The following MGAT4C variants were observed in gnomAD, a reference collection of about 807,000 sequenced individuals.
The protein encoded by MGAT4C is alpha-1,3-mannosyl-glycoprotein 4-beta-N-acetylglucosaminyltransferase C.
In MGAT4C, 19 loss-of-function variants were observed where a neutral mutation model predicts 40.1. The ratio of observed to expected loss-of-function variants is 0.47; its 90% confidence interval spans 0.33 to 0.70. MGAT4C has a LOEUF of 0.70. Among genes scored for constraint, MGAT4C ranks in the 30% least tolerant of loss-of-function variants. The probability of loss-of-function intolerance (pLI) is 0.02; values close to 1 mark genes in which losing one functional copy is unlikely to be tolerated. For missense variants in MGAT4C, 491 were observed against 563.2 expected, an observed-to-expected ratio of 0.87 and a Z score of 1.30; for synonymous variants, 181 against 187.1, an observed-to-expected ratio of 0.97 and a Z score of 0.27.
At chr12:86,126,874 C>T (rs531484548) in intron 1 of MGAT4C, among the ~76,000 whole-genome samples, 5 of 152,154 alleles carry the variant, frequency 3.3e-5, no homozygotes, top group East Asian at 1.9e-4. Context: ...TTTCAATGGA[C>T]GGATAGGGGT....
chr12:86,410,223 T>C (rs1340982646), intron 3 of MGAT4C, among the ~76,000 whole-genome samples: 1 of 152,062 alleles, frequency 6.6e-6, no homozygotes, highest in East Asian at 1.9e-4. Flanking sequence ...TGAATTCACA[T>C]TTACCAGGGC....
intron 2 of MGAT4C, among the ~76,000 whole-genome samples, chr12:86,603,564 TAGACTATAGATAATATATAGTC>T (rs1462162706): frequency 6.9e-5 from 8 of 115,638 alleles, no homozygotes; most frequent in Middle Eastern, 0.012. Flanking sequence ...ATATAGTCTA[TAGACTATAGATAATATATAGTC>T]ATATAGTCTA....
At chr12:86,468,830 A>G (rs914595645) in intron 2 of MGAT4C, among the ~76,000 whole-genome samples, 2 of 152,026 alleles carry the variant, frequency 1.3e-5, no homozygotes, top group African/African-American at 4.8e-5. Context: ...CAGGTCCCTT[A>G]AGTCTTTGCT....
intron 1 of MGAT4C, among the ~76,000 whole-genome samples, chr12:86,098,070 A>G (rs1874277811): frequency 6.6e-6 from 1 of 151,678 alleles, no homozygotes; most frequent in African/African-American, 2.4e-5. Context: ...CTCTATGTTT[A>G]GAAAAACATT....
At chr12:85,997,076 A>C (rs1457096820) in intron 2 of MGAT4C, among the ~76,000 whole-genome samples, 2 of 152,240 alleles carry the variant, frequency 1.3e-5, no homozygotes. Flanking sequence ...ATGGACTTAC[A>C]GTTCCACATG....
chr12:86,199,425 C>T (rs1184838823), intron 1 of MGAT4C, among the ~76,000 whole-genome samples: 1 of 152,070 alleles, frequency 6.6e-6, no homozygotes, highest in African/African-American at 2.4e-5. Flanking sequence ...ATTCTGATTT[C>T]AGTGCTCAGT....
chr12:86,756,538 G>C (rs534091145), intron 1 of MGAT4C, among the ~76,000 whole-genome samples: 3 of 151,728 alleles, frequency 2.0e-5, no homozygotes, highest in African/African-American at 7.3e-5. Context: ...TGCATATTTT[G>C]TCTCATTTGA....
chr12:86,807,578 A>G (rs1020888834), intron 1 of MGAT4C, among the ~76,000 whole-genome samples: 3 of 152,126 alleles, frequency 2.0e-5, no homozygotes, highest in African/African-American at 7.2e-5. Flanking sequence ...TAGCGCTGCA[A>G]TGAAAGTAAG....
At chr12:86,706,466 C>T (rs563224912) in intron 2 of MGAT4C, among the ~76,000 whole-genome samples, 3 of 150,322 alleles carry the variant, frequency 2.0e-5, no homozygotes, top group African/African-American at 7.4e-5. Flanking sequence ...TCTATTTTGC[C>T]CAGCTGGTTG....
chr12:86,711,838 C>T (rs77701558), intron 2 of MGAT4C, among the ~76,000 whole-genome samples: 1 of 152,078 alleles, frequency 6.6e-6, no homozygotes, highest in South Asian at 2.1e-4. Context: ...TGTGAAACCC[C>T]TTGTTAACAA....
At chr12:86,692,505 C>T (rs1382577771) in intron 2 of MGAT4C, among the ~76,000 whole-genome samples, 1 of 152,110 alleles carries the variant, frequency 6.6e-6, no homozygotes, top group Non-Finnish European at 1.5e-5. Context: ...GAGTTTATTT[C>T]TCTCCAATTT....
chr12:86,175,451 T>A (rs1194356494), intron 1 of MGAT4C, among the ~76,000 whole-genome samples: 1 of 152,270 alleles, frequency 6.6e-6, no homozygotes, highest in South Asian at 2.1e-4. Context: ...ACCTCATCAG[T>A]TCTCACATGG....
chr12:86,136,677 G>GT (rs915356849), intron 1 of MGAT4C, among the ~76,000 whole-genome samples: 1 of 151,756 alleles, frequency 6.6e-6, no homozygotes, highest in African/African-American at 2.4e-5. Context: ...TCATATCTTT[G>GT]TTTTTTTGTT....
chr12:86,502,273 A>G (rs1958359711), intron 2 of MGAT4C, among the ~76,000 whole-genome samples: 1 of 151,976 alleles, frequency 6.6e-6, no homozygotes, highest in African/African-American at 2.4e-5. Context: ...TATGATCCCA[A>G]CTCTGTGACA....
intron 2 of MGAT4C, among the ~76,000 whole-genome samples, chr12:86,008,178 AATT>A (rs879459848): frequency 3.0e-4 from 46 of 152,148 alleles, no homozygotes; most frequent in Middle Eastern, 3.4e-3. Context: ...TGAGTCTGTA[AATT>A]ATTATACAAT....
chr12:86,414,366 T>C (rs1350171486), intron 3 of MGAT4C, among the ~76,000 whole-genome samples: 1 of 152,148 alleles, frequency 6.6e-6, no homozygotes, highest in Non-Finnish European at 1.5e-5. Context: ...TTAATTATTC[T>C]CCTCACGGAA....
rs1951612154 is a variant in MGAT4C, at chr12:86,770,454, T to C, written c.-261-43213A>G. Among the ~76,000 whole-genome samples the C allele has an allele frequency of 2.6e-5, 4 of 152,242 alleles. No individual in the cohort carries two copies. In the South Asian group the frequency reaches 6.2e-4, roughly 24 times the overall value. On this transcript the variant is annotated intron_variant, in intron 1 of 7. Coordinates refer to the MGAT4C transcript ENST00000548651. The stretch of plus-strand genomic sequence containing the variant: ...AATAATCAAATGTTTCAAGAAACAT[T>C]ATATAATGGTTTCCCATGATTTCTG...
At chr12:86,734,791 C>T (rs2136123638) in intron 1 of MGAT4C, among the ~76,000 whole-genome samples, 1 of 152,074 alleles carries the variant, frequency 6.6e-6, no homozygotes, top group African/African-American at 2.4e-5. Context: ...ATGTAGTATT[C>T]TATTATACAG....
In MGAT4C at chr12:86,219,220, G is replaced by A. The variant is rs1382304893; in HGVS notation, c.-57+37019C>T. On this transcript the variant is annotated intron_variant, in intron 1 of 4. Coordinates refer to ENST00000611864, the MANE Select transcript of MGAT4C (RefSeq NM_001351288.2). ...AAAAAAGAAAAAGTATGCAAATTCA[G>A]TGTTGAGTGTGGACTCATGGAGAAC... is the stretch of plus-strand genomic sequence containing the variant. Among the ~76,000 whole-genome samples the A allele has an allele frequency of 2.6e-5, 4 of 152,044 alleles. 1 individual carries two copies. Among genetic ancestry groups the A allele is most frequent in the Admixed American group, 1.3e-4 (2 of 15,252 alleles).
Sources: gnomAD v4.1 joint callset for allele counts (sites outside exome capture counted in the v4.1 genomes callset) on GRCh38, gnomAD v4.1.1 for gene constraint, MANE v1.5 for transcripts, NCBI Gene and HGNC (gene_info 2026-07-23, HGNC 2026-07-21) for gene names.